RHOBTB1: variants seen among roughly 807,000 people sequenced by gnomAD.
RHOBTB1 encodes Rho related BTB domain containing 1.
Under a neutral mutation model 71.6 loss-of-function variants are expected in RHOBTB1, and 40 were observed. The ratio of observed to expected loss-of-function variants is 0.56; its 90% CI spans 0.43 to 0.73. The LOEUF is 0.73. Ranked by LOEUF, RHOBTB1 falls within the 30% of genes least tolerant of loss-of-function variation. The probability of loss-of-function intolerance (pLI) is 0.00; values close to 1 mark genes in which losing one functional copy is unlikely to be tolerated. For synonymous variants in RHOBTB1, 319 were observed against 334.9 expected, an observed-to-expected ratio of 0.95 and a Z score of 0.52; for missense variants, 797 against 894.0, an observed-to-expected ratio of 0.89 and a Z score of 1.38.
rs2083870170 is a variant in RHOBTB1 at position 60,926,156 on chromosome 10, G to C, written c.-10-14604C>G. 2.0e-5 allele frequency among the ~76,000 whole-genome samples: 3 copies of C among 152,270 alleles called. No homozygotes were observed. The East Asian group carries it at 5.8e-4, about 29-fold the overall frequency. The stretch of plus-strand genomic sequence containing the variant: ...GGAGGCTGAGGCAGGAGACTCACTT[G>C]AACCTGGGAGGCAAGGGTTGCAGTA... On this transcript the variant is annotated intron_variant, in intron 2 of 10. Transcript: ENST00000337910.
At chr10:60,863,227 T>A in the RHOBTB1 span, among the ~76,000 whole-genome samples, 6 of 152,062 alleles carry the variant, frequency 3.9e-5, no homozygotes, top group Admixed American at 3.9e-4. Context: ...AGAGGAAATT[T>A]AATGAAGCCC....
chr10:60,987,496 T>C (rs577368870), intron 1 of RHOBTB1, among the ~76,000 whole-genome samples: 1 of 152,248 alleles, frequency 6.6e-6, no homozygotes, highest in Non-Finnish European at 1.5e-5. Flanking sequence ...ATGGCCACCT[T>C]GCATACAAAA....
intron 2 of RHOBTB1, among the ~76,000 whole-genome samples, chr10:60,925,167 T>C (rs2083796195): frequency 6.6e-6 from 1 of 152,196 alleles, no homozygotes; most frequent in African/African-American, 2.4e-5. Flanking sequence ...ACCATGATTA[T>C]AAGCTTCCTG....
intron 2 of RHOBTB1, among the ~76,000 whole-genome samples, chr10:60,950,463 C>A (rs2134384020): frequency 6.6e-6 from 1 of 152,138 alleles, no homozygotes; most frequent in Non-Finnish European, 1.5e-5. Context: ...CTTTATGAAA[C>A]AAGTTTAAAA....
intron 5 of RHOBTB1, among the ~76,000 whole-genome samples, chr10:60,889,669 A>T (rs1256985967): frequency 6.6e-6 from 1 of 152,222 alleles, no homozygotes; most frequent in Non-Finnish European, 1.5e-5. Context: ...AAATGCTGTC[A>T]GCCGTAACCA....
At position 60,886,126 on chromosome 10, in the gene RHOBTB1, T is replaced by G. The variant is rs1363048774; in HGVS notation, c.1561A>C (p.Ser521Arg). Residue 521 changes from serine to arginine, a missense_variant, in exon 7 of 11, where the codon AGT becomes CGT. Around this residue, in one of 2 missense-constraint regions of RHOBTB1, gnomAD observed 658 missense variants for 681.5 expected, o/e 0.97. Transcript: ENST00000337910. ...AAGGCACGTACCTCACTGTTGGCAC[T>G]TTCCACAAATGACCCCCCGAACATG... ...AAMFGGSFVE[S>R]ANSEVYLPNI... is the part of the protein sequence containing the mutation. The G allele has an allele frequency of 9.3e-6, 15 of 1,613,828 alleles. No individual in the cohort carries two copies. The highest frequency in any genetic ancestry group is 1.3e-5 in the Non-Finnish European group (15 of 1,179,822).
At chr10:60,875,300 A>G (rs1194712701) in intron 8 of RHOBTB1, among the ~76,000 whole-genome samples, 1 of 152,192 alleles carries the variant, frequency 6.6e-6, no homozygotes, top group Admixed American at 6.5e-5. Flanking sequence ...CCAGTCCTGC[A>G]ATGTTCTGTG....
Position 60,880,177 on chromosome 10 carries a change from C to CTCTGTGTG in RHOBTB1, c.1576-2120_1576-2119insCACACAGA, listed in dbSNP as rs370670323. Reference sequence around the variant, plus strand: ...GTCCCTCACAGATACTGAGGGATGACTGTGTGTGTGTGTGTGTGTGTGTGT... The same window carrying CTCTGTGTG: ...GTCCCTCACAGATACTGAGGGATGACTCTGTGTGTGTGTGTGTGTGTGTGTGTGTGTGT... On this transcript the variant is annotated intron_variant, in intron 7 of 10. Coordinates refer to ENST00000337910, the MANE Select transcript of RHOBTB1 (RefSeq NM_014836.5). Among the ~76,000 whole-genome samples the CTCTGTGTG allele has an allele frequency of 8.2e-3, 823 of 99,858 alleles. 3 individuals carry two copies. Among genetic ancestry groups the CTCTGTGTG allele is most frequent in the East Asian group, 0.034 (108 of 3,164 alleles). 65.5% of individuals were successfully genotyped at this position (99,858 alleles called of 152,430 possible).
At chr10:60,962,961 C>T (rs1301524162) in intron 2 of RHOBTB1, among the ~76,000 whole-genome samples, 1 of 152,114 alleles carries the variant, frequency 6.6e-6, no homozygotes, top group Non-Finnish European at 1.5e-5. Context: ...TAATCCCCAG[C>T]CATGTTGTTA....
intron 7 of RHOBTB1, among the ~76,000 whole-genome samples, chr10:60,883,496 C>A (rs2081423316): frequency 1.3e-5 from 2 of 152,206 alleles, no homozygotes; most frequent in African/African-American, 4.8e-5. Context: ...TGACCTCGAT[C>A]AACTTCTCCC....
intron 1 of RHOBTB1, among the ~76,000 whole-genome samples, chr10:60,996,701 A>G (rs1414235063): frequency 1.3e-5 from 2 of 152,202 alleles, no homozygotes; most frequent in Non-Finnish European, 2.9e-5. Context: ...ACTTCTAGAA[A>G]CTAATGACAC....
At chr10:60,906,538 A>G (rs969480731) in intron 4 of RHOBTB1, among the ~76,000 whole-genome samples, 3 of 152,234 alleles carry the variant, frequency 2.0e-5, no homozygotes, top group African/African-American at 7.2e-5. Context: ...GACAGATTCA[A>G]GAGGAAAGTC....
chr10:60,926,145 G>C (rs528973759), intron 2 of RHOBTB1, among the ~76,000 whole-genome samples: 1 of 152,224 alleles, frequency 6.6e-6, no homozygotes, highest in African/African-American at 2.4e-5. Context: ...GCTGAGGCAG[G>C]AGACTCACTT....
intron 2 of RHOBTB1, among the ~76,000 whole-genome samples, chr10:60,920,782 G>A (rs960768691): frequency 1.3e-5 from 2 of 151,948 alleles, no homozygotes; most frequent in Non-Finnish European, 2.9e-5. Context: ...AGCCTCTTGA[G>A]TAGCTGGGAC....
At chr10:60,943,070 CT>C (rs1475028900) in intron 1 of RHOBTB1, among the ~76,000 whole-genome samples, 1 of 152,174 alleles carries the variant, frequency 6.6e-6, no homozygotes, top group Non-Finnish European at 1.5e-5. Context: ...CTGGGTGCCT[CT>C]GTGTATATAT....
chr10:60,919,423 A>G (rs1039077854), intron 2 of RHOBTB1, among the ~76,000 whole-genome samples: 3 of 152,232 alleles, frequency 2.0e-5, no homozygotes, highest in Non-Finnish European at 4.4e-5. Context: ...GCTTTTAATC[A>G]GCAGTTGTAG....
chr10:60,913,778 T>C (rs903823933), intron 2 of RHOBTB1, among the ~76,000 whole-genome samples: 27 of 152,192 alleles, frequency 1.8e-4, no homozygotes, highest in Admixed American at 1.3e-4. Flanking sequence ...GGATGTGAGT[T>C]TGAATCCTAG....
At chr10:60,928,830 C>T (rs755810608) in intron 2 of RHOBTB1, among the ~76,000 whole-genome samples, 31 of 152,098 alleles carry the variant, frequency 2.0e-4, no homozygotes, top group Non-Finnish European at 3.5e-4. Context: ...GTTATGGAAA[C>T]CCCAATGTAG....
chr10:60,943,518 G>A (rs1436587502), intron 1 of RHOBTB1, among the ~76,000 whole-genome samples: 1 of 152,094 alleles, frequency 6.6e-6, no homozygotes, highest in East Asian at 1.9e-4. Context: ...AGCGACTGTG[G>A]GCTGGCCAGT....
Sources: gnomAD v4.1 joint callset for allele counts (sites outside exome capture counted in the v4.1 genomes callset) on GRCh38, gnomAD v4.1.1 for gene constraint, gnomAD v4.1.1 regional missense constraint, MANE v1.5 for transcripts, NCBI Gene and HGNC (gene_info 2026-07-23, HGNC 2026-07-21) for gene names.